The following KIAA1217 variants were observed in gnomAD, a reference collection of about 807,000 sequenced individuals.
KIAA1217 encodes the protein KIAA1217, also known as sickle tail protein homolog.
In KIAA1217, 88 loss-of-function variants were observed where a neutral mutation model predicts 163.9. The observed-to-expected ratio is 0.54, with a 90% CI of 0.45 to 0.64. The LOEUF (loss-of-function observed/expected upper bound fraction) is 0.64, where lower values mean the gene tolerates loss of function less well. Ranked by LOEUF, KIAA1217 falls within the 30% of genes least tolerant of loss-of-function variation. The pLI, the probability that KIAA1217 is intolerant of heterozygous loss-of-function variation, is 0.00. For synonymous variants in KIAA1217, 903 were observed against 923.1 expected, an observed-to-expected ratio of 0.98 and a Z score of 0.39; for missense variants, 2,372 against 2,475.0, an observed-to-expected ratio of 0.96 and a Z score of 0.88.
intron 1 of KIAA1217, among the ~76,000 whole-genome samples, chr10:23,783,293 C>T (rs1420516419): frequency 1.3e-5 from 2 of 152,196 alleles, no homozygotes; most frequent in African/African-American, 4.8e-5. Context: ...GCCCATGGGA[C>T]ACAGGTTGGA....
chr10:24,335,379 G>A (rs188838958), intron 2 of KIAA1217, among the ~76,000 whole-genome samples: 1 of 149,002 alleles, frequency 6.7e-6, no homozygotes, highest in Admixed American at 6.8e-5. Context: ...TGCAACCTCC[G>A]TCTCCCTGGT....
At chr10:23,872,894 A>G (rs1232482597) in intron 1 of KIAA1217, among the ~76,000 whole-genome samples, 1 of 152,098 alleles carries the variant, frequency 6.6e-6, no homozygotes, top group Non-Finnish European at 1.5e-5. Context: ...CATGAGAAGC[A>G]TGTAACATTG....
At chr10:24,338,055 A>G (rs2046620325) in intron 2 of KIAA1217, among the ~76,000 whole-genome samples, 2 of 152,206 alleles carry the variant, frequency 1.3e-5, no homozygotes, top group South Asian at 2.1e-4. Context: ...TCTGTAATCT[A>G]GAAAGCAACC....
At chr10:24,517,462 C>T (rs905528477) in intron 10 of KIAA1217, among the ~76,000 whole-genome samples, 6 of 152,152 alleles carry the variant, frequency 3.9e-5, no homozygotes, top group East Asian at 1.9e-4. Context: ...CCAAAACTCA[C>T]ATCTATTATG....
chr10:24,464,971 T>A (rs1368360838), intron 5 of KIAA1217, among the ~76,000 whole-genome samples: 2 of 152,160 alleles, frequency 1.3e-5, no homozygotes, highest in Non-Finnish European at 2.9e-5. Context: ...GAGCCATGTC[T>A]GTTAGCACAC....
chr10:23,941,198 T>C (rs1045956083), intron 1 of KIAA1217, among the ~76,000 whole-genome samples: 16 of 152,262 alleles, frequency 1.1e-4, no homozygotes, highest in African/African-American at 3.6e-4. Flanking sequence ...TTTCATAGTA[T>C]ATTTGAAATT....
In KIAA1217 at chr10:23,909,775, G is replaced by C. The variant is rs535714821; in HGVS notation, c.-320-97450G>C. 1.2e-4 allele frequency among the ~76,000 whole-genome samples: 18 copies of C among 152,276 alleles called. No individual in the cohort carries two copies. In the South Asian group the frequency reaches 3.7e-3, roughly 32 times the overall value. On this transcript the variant is annotated intron_variant, in intron 1 of 18. Transcript: ENST00000376462. ...ACATATGTGTGCATGTGTCCTTATA[G>C]TAGGATGATTTATAATCCTTTGGGT...
At chr10:23,697,624 C>A (rs765922639) in intron 1 of KIAA1217, among the ~76,000 whole-genome samples, 7 of 151,810 alleles carry the variant, frequency 4.6e-5, no homozygotes, top group Non-Finnish European at 1.0e-4. Context: ...AATCCTAGCA[C>A]TGTGGGATGC....
intron 2 of KIAA1217, among the ~76,000 whole-genome samples, chr10:24,241,950 C>A (rs183333128): frequency 6.6e-6 from 1 of 152,020 alleles, no homozygotes; most frequent in Non-Finnish European, 1.5e-5. Context: ...GGGATTTTGG[C>A]ATCTGAGCTG....
chr10:24,353,808 A>G (rs781096225), intron 2 of KIAA1217, among the ~76,000 whole-genome samples: 36 of 152,248 alleles, frequency 2.4e-4, no homozygotes, highest in Non-Finnish European at 5.1e-4. Context: ...AGGGATGAGC[A>G]TTACACTTCT....
rs1846150420 is a variant in KIAA1217 at position 23,990,037 on chromosome 10, A to G, written c.-320-17188A>G. ...GTACTATTCTCACATGTCCCACTTA[A>G]AGGACATGGCTACAAGCTTTGGGAG... On this transcript the variant is annotated intron_variant, in intron 1 of 18. Transcript: ENST00000376462. Among the ~76,000 whole-genome samples, 3 of 152,298 alleles carry G rather than the reference A, an allele frequency of 2.0e-5. No homozygotes were observed. The South Asian group carries it at 6.2e-4, about 32-fold the overall frequency.
intron 8 of KIAA1217, among the ~76,000 whole-genome samples, chr10:24,496,725 A>G (rs1210034446): frequency 6.6e-6 from 1 of 152,248 alleles, no homozygotes; most frequent in Admixed American, 6.5e-5. Context: ...ACATCATCAT[A>G]GTCCAAATGC....
intron 2 of KIAA1217, among the ~76,000 whole-genome samples, chr10:24,032,756 G>C (rs1049902115): frequency 2.6e-5 from 4 of 152,120 alleles, no homozygotes; most frequent in African/African-American, 9.7e-5. Flanking sequence ...CCAGCGCTTT[G>C]GGGTTGTTGT....
At chr10:24,455,952 A>G (rs931623448) in intron 5 of KIAA1217, among the ~76,000 whole-genome samples, 1 of 152,118 alleles carries the variant, frequency 6.6e-6, no homozygotes, top group Non-Finnish European at 1.5e-5. Context: ...GCAGTGGTGC[A>G]GTGGTTCACT....
Position 23,809,262 on chromosome 10 carries a change from C to T in KIAA1217, c.-321+114028C>T, listed in dbSNP as rs7912809. On this transcript the variant is annotated intron_variant, in intron 1 of 18. Transcript: ENST00000376462. ...AACAATGGATATTTAAGAAAAAAGA[C>T]GCAAAACAGTGATAACAAGGGACAT... is the stretch of plus-strand genomic sequence containing the variant. Among the ~76,000 whole-genome samples, 967 of 151,832 alleles carry T rather than the reference C, an allele frequency of 6.4e-3. 8 individuals are homozygous for T. Among genetic ancestry groups the T allele is most frequent in the Non-Finnish European group, 9.1e-3 (615 of 67,872 alleles).
At chr10:24,340,342 G>A (rs2046923012) in intron 2 of KIAA1217, among the ~76,000 whole-genome samples, 1 of 152,100 alleles carries the variant, frequency 6.6e-6, no homozygotes, top group Non-Finnish European at 1.5e-5. Context: ...TAGTGAATAG[G>A]TCTCACGAGA....
chr10:24,193,918 T>C (rs2066852823), intron 2 of KIAA1217, among the ~76,000 whole-genome samples: 1 of 137,872 alleles, frequency 7.3e-6, no homozygotes, highest in Non-Finnish European at 1.6e-5. Flanking sequence ...CCAGGTGCGG[T>C]GGTTCACACC....
chr10:23,697,762 A>G (rs914794573), intron 1 of KIAA1217, among the ~76,000 whole-genome samples: 6 of 151,900 alleles, frequency 3.9e-5, no homozygotes, highest in Non-Finnish European at 5.9e-5. Flanking sequence ...CTGTGATCCC[A>G]GCTACTTGGC....
intron 2 of KIAA1217, among the ~76,000 whole-genome samples, chr10:24,060,770 T>A (rs1188696143): frequency 6.6e-6 from 1 of 152,164 alleles, no homozygotes; most frequent in Non-Finnish European, 1.5e-5. Flanking sequence ...ATCTTTGGTG[T>A]CACAAGGATG....
Sources: allele counts gnomAD v4.1 joint callset (sites outside exome capture counted in the v4.1 genomes callset), GRCh38; gene constraint gnomAD v4.1.1; transcripts MANE v1.5; gene names NCBI Gene and HGNC (gene_info 2026-07-23, HGNC 2026-07-21).